OSBPL6: variants seen among roughly 807,000 people sequenced by gnomAD.
OSBPL6 encodes oxysterol-binding protein-related protein 6.
A neutral mutation model predicts 125.8 loss-of-function variants in OSBPL6; 49 were observed. The observed-to-expected ratio is 0.39, with a 90% confidence interval of 0.31 to 0.49. The LOEUF is 0.49. Ranked by LOEUF, OSBPL6 falls within the 20% of genes least tolerant of loss-of-function variation. OSBPL6 has a pLI of 0.88. For synonymous variants in OSBPL6, 394 were observed against 391.8 expected (o/e 1.01, Z -0.07); for missense variants, 986 against 1,135.4 (o/e 0.87, Z 1.89).
At chr2:178,326,110 A>T (rs1688674664) in intron 4 of OSBPL6, among the ~76,000 whole-genome samples, 1 of 144,096 alleles carries the variant, frequency 6.9e-6, no homozygotes, top group African/African-American at 2.6e-5. Context: ...TGGTGGAAGA[A>T]TTTTTTTTTT....
At chr2:178,333,137 C>G in intron 8 of OSBPL6, 96 bp downstream of exon 8, 1 of 1,355,386 alleles carries the variant, frequency 7.4e-7, no homozygotes, top group South Asian at 1.3e-5. Context: ...AATCCCAGCA[C>G]TTTGGGAGGC....
intron 21 of OSBPL6, among the ~76,000 whole-genome samples, chr2:178,390,681 C>T (rs2154118568): frequency 6.6e-6 from 1 of 152,192 alleles, no homozygotes; most frequent in African/African-American, 2.4e-5. Context: ...TAAAATTTGG[C>T]CATTTATAGA....
chr2:178,274,806 A>G (rs2092437327), intron 1 of OSBPL6, among the ~76,000 whole-genome samples: 2 of 152,228 alleles, frequency 1.3e-5, no homozygotes, highest in East Asian at 1.9e-4. Flanking sequence ...ACTCAACAGT[A>G]TGTTTCAGAT....
chr2:178,333,527 T>C (rs1689412850), intron 8 of OSBPL6, among the ~76,000 whole-genome samples: 1 of 152,240 alleles, frequency 6.6e-6, no homozygotes, highest in Non-Finnish European at 1.5e-5. Context: ...GAAAGTTAAT[T>C]GCAAGTATAA....
At chr2:178,235,217 T>G (rs1411699591) in intron 1 of OSBPL6, among the ~76,000 whole-genome samples, 2 of 152,174 alleles carry the variant, frequency 1.3e-5, no homozygotes, top group East Asian at 3.8e-4. Flanking sequence ...TTGGTCCTGA[T>G]GCATGAATTA....
chr2:178,371,975 T>C, intron 13 of OSBPL6, 151 bp from the exon 14 acceptor site: 1 of 501,926 alleles, frequency 2.0e-6, no homozygotes, highest in Non-Finnish European at 3.5e-6. Flanking sequence ...ATTTATTTAC[T>C]CCTTGCTGGT....
intron 11 of OSBPL6, among the ~76,000 whole-genome samples, chr2:178,341,967 A>T (rs1690246652): frequency 1.3e-5 from 2 of 152,138 alleles, no homozygotes; most frequent in South Asian, 4.1e-4. Context: ...ATCTTTACTC[A>T]GTATTTTGCC....
chr2:178,287,919 G>A (rs1031283410), intron 2 of OSBPL6, among the ~76,000 whole-genome samples: 2 of 151,544 alleles, frequency 1.3e-5, no homozygotes, highest in African/African-American at 4.9e-5. Context: ...GGGAAAAATT[G>A]TAGGGAGGGC....
chr2:178,333,730 C>T lies in OSBPL6; in HGVS notation c.657+689C>T, dbSNP rs151065705. 3.4e-3 allele frequency among the ~76,000 whole-genome samples: 511 copies of T among 152,276 alleles called. 3 individuals carry two copies. The highest frequency in any genetic ancestry group is 0.012 in the African/African-American group (490 of 41,542). On this transcript the variant is annotated intron_variant, in intron 8 of 24. Transcript: ENST00000190611. ...CCTCAGTCTTGAAAATGAAACTTGC[C>T]TTTGTGTCTTGACCTATAATATATA...
chr2:178,337,893 C>T (rs1353321268), intron 9 of OSBPL6, among the ~76,000 whole-genome samples: 1 of 150,932 alleles, frequency 6.6e-6, no homozygotes, highest in East Asian at 1.9e-4. Flanking sequence ...ATAGAAAGCT[C>T]AAAATGAAAT....
intron 13 of OSBPL6, among the ~76,000 whole-genome samples, chr2:178,363,405 T>A (rs1865326): frequency 0.54 from 82,807 of 152,042 alleles, 23,013 homozygotes; most frequent in East Asian, 0.88. Context: ...ACACCAAGGT[T>A]AAAGTAGCCC....
chr2:178,343,174 G>A (rs16866274), intron 11 of OSBPL6, among the ~76,000 whole-genome samples: 7,552 of 152,168 alleles, frequency 0.05, 242 homozygotes, highest in South Asian at 0.15. Flanking sequence ...TGGTTCTTCA[G>A]TTTGGGCTGT....
intron 1 of OSBPL6, among the ~76,000 whole-genome samples, chr2:178,280,910 G>A (rs563293130): frequency 3.0e-4 from 45 of 152,028 alleles, no homozygotes; most frequent in African/African-American, 8.7e-4. Flanking sequence ...CAGTGTGTAG[G>A]TTGTCTGTTT....
At position 178,215,528 on chromosome 2, in the gene OSBPL6, A is replaced by C. The variant is rs1175459731; in HGVS notation, c.-351+20854A>C. Among the ~76,000 whole-genome samples the C allele has an allele frequency of 2.0e-5, 3 of 152,234 alleles. No homozygotes were observed. The East Asian group carries it at 5.8e-4, about 29-fold the overall frequency. On this transcript the variant is annotated intron_variant, in intron 1 of 24. Transcript: ENST00000190611. ...AAGTAAAACCTAATTGCAGGCCCAG[A>C]GTTCTGTGAGGTTGGAGTATAGACG...
intron 1 of OSBPL6, among the ~76,000 whole-genome samples, chr2:178,261,264 G>A (rs1356648267): frequency 6.6e-6 from 1 of 152,114 alleles, no homozygotes; most frequent in Non-Finnish European, 1.5e-5. Flanking sequence ...GTTCTTTGAG[G>A]AATTCTTGAT....
intron 1 of OSBPL6, among the ~76,000 whole-genome samples, chr2:178,206,599 GT>G (rs143610984): frequency 1.6e-4 from 25 of 151,950 alleles, no homozygotes; most frequent in Non-Finnish European, 1.9e-4. Flanking sequence ...CTTACAGGAG[GT>G]TTTTTTGTTT....
At chr2:178,383,661 T>G (rs2276619) in intron 17 of OSBPL6, among the ~76,000 whole-genome samples, 1 of 152,272 alleles carries the variant, frequency 6.6e-6, no homozygotes, top group African/African-American at 2.4e-5. Context: ...CATATGGCTG[T>G]GGGAAACATG....
At chr2:178,266,186 C>G (rs1229101321) in intron 1 of OSBPL6, among the ~76,000 whole-genome samples, 1 of 152,180 alleles carries the variant, frequency 6.6e-6, no homozygotes, top group Non-Finnish European at 1.5e-5. Flanking sequence ...CTGAGATTCA[C>G]GGGGCATGCT....
chr2:178,394,443 A>T lies in OSBPL6; in HGVS notation c.2696+8A>T. ...TATACCAAAATTTTTTAAGTAAGTC[A>T]GTTAACTCCCATAGCAAGTTCATGT... On this transcript the variant is annotated splice_region_variant and intron_variant, in intron 24 of 24. Transcript: ENST00000190611. 1 of 1,604,376 alleles carries T rather than the reference A, an allele frequency of 6.2e-7. No homozygotes were observed. Among genetic ancestry groups the T allele is most frequent in the Non-Finnish European group, 8.5e-7 (1 of 1,177,616 alleles).
Sources: gnomAD v4.1 joint callset for allele counts (sites outside exome capture counted in the v4.1 genomes callset) on GRCh38, gnomAD v4.1.1 for gene constraint, MANE v1.5 for transcripts, NCBI Gene and HGNC (gene_info 2026-07-23, HGNC 2026-07-21) for gene names.